The following DDX4 variants were observed in gnomAD, a reference collection of about 807,000 sequenced individuals.
DDX4 encodes probable ATP-dependent RNA helicase DDX4.
DDX4 carries 25 observed loss-of-function variants against 100.0 expected under a neutral mutation model. That is an observed-to-expected ratio of 0.25 (90% CI 0.18 to 0.35). The LOEUF (loss-of-function observed/expected upper bound fraction) is 0.35, where lower values mean the gene tolerates loss of function less well. Ranked by LOEUF, DDX4 falls within the 10% of genes least tolerant of loss-of-function variation. The probability of loss-of-function intolerance (pLI) is 1.00; values close to 1 mark genes in which losing one functional copy is unlikely to be tolerated. For synonymous variants in DDX4, 259 were observed against 275.7 expected (o/e 0.94, Z 0.60); for missense variants, 635 against 882.4 (o/e 0.72, Z 3.55).
At chr5:55,765,772 A>G (rs1163208009) in intron 6 of DDX4, among the ~76,000 whole-genome samples, 4 of 152,222 alleles carry the variant, frequency 2.6e-5, no homozygotes, top group African/African-American at 4.8e-5. Context: ...CATGTGATAC[A>G]TTTAGAACAC....
At chr5:55,784,751 CTAATA>C (rs1400143524) in intron 10 of DDX4, among the ~76,000 whole-genome samples, 1 of 152,204 alleles carries the variant, frequency 6.6e-6, no homozygotes, top group African/African-American at 2.4e-5. Context: ...TTCTGAGTCT[CTAATA>C]CTCTTCTCTG....
At chr5:55,755,188 AATCTACAGTTC>A (rs1258755532) in intron 3 of DDX4, among the ~76,000 whole-genome samples, 1 of 152,152 alleles carries the variant, frequency 6.6e-6, no homozygotes, top group Non-Finnish European at 1.5e-5. Context: ...CATTGGATAA[AATCTACAGTTC>A]ATTGACGAGT....
At chr5:55,787,007 T>C (rs1742288138) in intron 14 of DDX4, among the ~76,000 whole-genome samples, 1 of 152,234 alleles carries the variant, frequency 6.6e-6, no homozygotes, top group African/African-American at 2.4e-5. Flanking sequence ...TTATAGCTGG[T>C]ACACTCGAAG....
Position 55,781,214 on chromosome 5 carries a change from CCTA to C in DDX4, c.577+69_577+71del. On this transcript the variant is annotated intron_variant, in intron 9 of 21. Coordinates refer to ENST00000505374, the MANE Select transcript of DDX4 (RefSeq NM_024415.3). ...TGTTTTTAGCACTAGGATTAGTAAA[CCTA>C]ATATATATGTTAAAGTATACTAGTT... is the stretch of plus-strand genomic sequence containing the variant. The C allele has an allele frequency of 2.4e-6, 3 of 1,264,656 alleles. No homozygotes were observed. The South Asian group carries it at 4.1e-5, about 17-fold the overall frequency. The allele number at this position is 1,264,656 out of a possible 1,614,324, so 78.3% of individuals were successfully genotyped here.
chr5:55,780,844 G>A (rs936201946), intron 8 of DDX4, among the ~76,000 whole-genome samples: 2 of 152,134 alleles, frequency 1.3e-5, no homozygotes, highest in African/African-American at 2.4e-5. Context: ...GACATTATTT[G>A]TAGAGAATTC....
At chr5:55,741,654 T>G (rs1308602933) in intron 2 of DDX4, among the ~76,000 whole-genome samples, 1 of 152,070 alleles carries the variant, frequency 6.6e-6, no homozygotes, top group African/African-American at 2.4e-5. Context: ...CTGGGAGTGG[T>G]GGCACACGCC....
intron 3 of DDX4, 49 bp from the exon 4 acceptor site, chr5:55,760,151 C>T: frequency 1.9e-6 from 3 of 1,538,968 alleles, no homozygotes; most frequent in Non-Finnish European, 2.6e-6. Context: ...TTTGCAAGTA[C>T]TAGATACTTG....
At chr5:55,779,041 A>T (rs1478821672) in intron 7 of DDX4, among the ~76,000 whole-genome samples, 2 of 152,156 alleles carry the variant, frequency 1.3e-5, no homozygotes, top group African/African-American at 4.8e-5. Context: ...GGCTTGTTGG[A>T]TGTTAGTTGG....
intron 4 of DDX4, among the ~76,000 whole-genome samples, chr5:55,762,458 A>T (rs1036984126): frequency 3.9e-5 from 6 of 152,286 alleles, no homozygotes; most frequent in African/African-American, 1.4e-4. Flanking sequence ...ACTTCACATA[A>T]TTGGTTTTTT....
chr5:55,807,229 C>A (rs551660061), intron 18 of DDX4, among the ~76,000 whole-genome samples: 2 of 152,254 alleles, frequency 1.3e-5, no homozygotes, highest in East Asian at 1.9e-4. Context: ...TGCACATGAG[C>A]TGGGTCTCCT....
chr5:55,812,627 C>T (rs959295367), intron 18 of DDX4, among the ~76,000 whole-genome samples: 4 of 152,086 alleles, frequency 2.6e-5, no homozygotes, highest in Non-Finnish European at 5.9e-5. Context: ...GAGGCTTAGA[C>T]TTGTCTTTCA....
At chr5:55,802,519 A>G (rs1473704850) in intron 18 of DDX4, among the ~76,000 whole-genome samples, 1 of 152,198 alleles carries the variant, frequency 6.6e-6, no homozygotes, top group African/African-American at 2.4e-5. Flanking sequence ...ATCAGCTTGC[A>G]TGATTCTGTC....
At chr5:55,766,304 C>T (rs887773785) in intron 6 of DDX4, among the ~76,000 whole-genome samples, 1 of 152,094 alleles carries the variant, frequency 6.6e-6, no homozygotes, top group East Asian at 1.9e-4. Flanking sequence ...ATGTACCCAT[C>T]ACCCAACTTC....
intron 6 of DDX4, among the ~76,000 whole-genome samples, 160 bp downstream of exon 6, chr5:55,764,224 T>C (rs1740750029): frequency 6.6e-6 from 1 of 152,196 alleles, no homozygotes; most frequent in Non-Finnish European, 1.5e-5. Context: ...ATATTACTGC[T>C]TTGTACATAA....
At chr5:55,792,586 G>C in intron 16 of DDX4, 55 bp from the exon 17 acceptor site, 2 of 901,498 alleles carry the variant, frequency 2.2e-6, no homozygotes, top group Non-Finnish European at 3.1e-6. Flanking sequence ...GTAGAGAATA[G>C]TTTAATATAA....
intron 9 of DDX4, 77 bp downstream of exon 9, chr5:55,781,223 T>A: frequency 8.8e-7 from 1 of 1,141,000 alleles, no homozygotes; most frequent in Non-Finnish European, 1.3e-6. Context: ...ACCTAATATA[T>A]ATGTTAAAGT....
intron 2 of DDX4, 46 bp downstream of exon 2, chr5:55,739,078 A>G: frequency 8.6e-7 from 1 of 1,169,344 alleles, no homozygotes. Context: ...GGATTTTATC[A>G]AAGTTGAAAA....
chr5:55,775,981 C>T (rs1300366503), intron 7 of DDX4, among the ~76,000 whole-genome samples: 3 of 152,032 alleles, frequency 2.0e-5, no homozygotes, highest in Non-Finnish European at 2.9e-5. Context: ...ATTAACTGGG[C>T]GTGGTGGTGC....
chr5:55,814,387 G>T (rs1744274636), intron 19 of DDX4, among the ~76,000 whole-genome samples: 2 of 152,076 alleles, frequency 1.3e-5, no homozygotes, highest in African/African-American at 4.8e-5. Context: ...TTGCAAATGG[G>T]GATAATTTTT....
Sources: gnomAD v4.1 joint callset for allele counts (sites outside exome capture counted in the v4.1 genomes callset) on GRCh38, gnomAD v4.1.1 for gene constraint, MANE v1.5 for transcripts, NCBI Gene and HGNC (gene_info 2026-07-23, HGNC 2026-07-21) for gene names.